The following NALF1 variants were observed in gnomAD, a reference collection of about 807,000 sequenced individuals.
NALF1 encodes NALCN channel auxiliary factor 1, also known as family with sequence similarity 155 member A.
In NALF1, 3 loss-of-function variants were observed where a neutral mutation model predicts 48.4. The observed-to-expected ratio is 0.06, with a 90% CI of 0.03 to 0.16. The LOEUF is 0.16. NALF1 is among the 10% of genes least tolerant of loss of function. The pLI, the probability that NALF1 is intolerant of heterozygous loss-of-function variation, is 1.00. For synonymous variants in NALF1, 262 were observed against 245.7 expected (o/e 1.07, Z -0.62); for missense variants, 526 against 571.5 (o/e 0.92, Z 0.81).
chr13:107,628,787 T>C (rs183304826), intron 1 of NALF1, among the ~76,000 whole-genome samples: 14 of 152,302 alleles, frequency 9.2e-5, no homozygotes, highest in African/African-American at 3.4e-4. Context: ...TTTAAAAACC[T>C]GGGCAATTTT....
intron 1 of NALF1, among the ~76,000 whole-genome samples, chr13:107,569,353 T>A (rs931238400): frequency 6.6e-6 from 1 of 151,916 alleles, no homozygotes; most frequent in Non-Finnish European, 1.5e-5. Flanking sequence ...GTGCTTGTAG[T>A]CCCAGCTACT....
At chr13:107,178,025 C>T (rs563820272) in intron 2 of NALF1, among the ~76,000 whole-genome samples, 3 of 151,656 alleles carry the variant, frequency 2.0e-5, no homozygotes, top group African/African-American at 4.8e-5. Context: ...CCAGCCTGGG[C>T]GACAGAGCAA....
chr13:107,560,094 C>A (rs1247080753), intron 1 of NALF1, among the ~76,000 whole-genome samples: 1 of 152,080 alleles, frequency 6.6e-6, no homozygotes, highest in Non-Finnish European at 1.5e-5. Flanking sequence ...GGGATTAGGG[C>A]TAAGAAGACA....
chr13:107,752,805 T>C (rs997679175), intron 1 of NALF1, among the ~76,000 whole-genome samples: 1 of 152,156 alleles, frequency 6.6e-6, no homozygotes, highest in African/African-American at 2.4e-5. Context: ...AATTGGACAT[T>C]AGATAATTGA....
In NALF1 at chr13:107,294,374, C is replaced by T. The variant is rs552094790; in HGVS notation, c.916-83619G>A. 2.0e-5 allele frequency among the ~76,000 whole-genome samples: 3 copies of T among 152,280 alleles called. No homozygotes were observed. The South Asian group carries it at 6.2e-4, about 32-fold the overall frequency. ...AATCTTAGGTTAGATAACTCGTCCA[C>T]GGTCACATATTTACTAAACTTCAGA... On this transcript the variant is annotated intron_variant, in intron 1 of 2. Transcript: ENST00000375915.
intron 1 of NALF1, among the ~76,000 whole-genome samples, chr13:107,666,149 C>T (rs959873325): frequency 2.0e-5 from 3 of 152,092 alleles, no homozygotes; most frequent in Non-Finnish European, 4.4e-5. Flanking sequence ...TGAAGTTTTT[C>T]TGGGCATTTT....
chr13:107,456,562 AAT>A (rs1238679983), intron 1 of NALF1, among the ~76,000 whole-genome samples: 2 of 152,174 alleles, frequency 1.3e-5, no homozygotes, highest in Admixed American at 6.5e-5. Context: ...TTAGTATACT[AAT>A]GGAGAAAACT....
intron 1 of NALF1, among the ~76,000 whole-genome samples, chr13:107,637,452 T>A (rs1880009887): frequency 6.6e-6 from 1 of 152,138 alleles, no homozygotes; most frequent in Non-Finnish European, 1.5e-5. Flanking sequence ...TTCTCTGTGT[T>A]ATATTCTAAC....
chr13:107,690,482 G>A (rs1172722174), intron 1 of NALF1, among the ~76,000 whole-genome samples: 4 of 152,128 alleles, frequency 2.6e-5, no homozygotes, highest in Non-Finnish European at 4.4e-5. Context: ...GAGTTAAAGT[G>A]GTTTTTGCAT....
chr13:107,181,264 C>G (rs1879054053), intron 2 of NALF1, among the ~76,000 whole-genome samples: 1 of 151,308 alleles, frequency 6.6e-6, no homozygotes, highest in South Asian at 2.1e-4. Flanking sequence ...CTCTTTGTAA[C>G]AATATTGAAT....
At chr13:107,828,376 G>A (rs910402898) in intron 1 of NALF1, among the ~76,000 whole-genome samples, 4 of 152,002 alleles carry the variant, frequency 2.6e-5, no homozygotes, top group South Asian at 2.1e-4. Context: ...GGCCCTGCAC[G>A]GCAGCTGCAA....
At chr13:107,620,535 C>T (rs1879492258) in intron 1 of NALF1, among the ~76,000 whole-genome samples, 1 of 152,166 alleles carries the variant, frequency 6.6e-6, no homozygotes, top group Admixed American at 6.5e-5. Context: ...TGCCTGGATT[C>T]CCTGGTATTG....
At chr13:107,488,708 T>G (rs970366820) in intron 1 of NALF1, among the ~76,000 whole-genome samples, 1 of 152,142 alleles carries the variant, frequency 6.6e-6, no homozygotes, top group Non-Finnish European at 1.5e-5. Context: ...CCTTGAAAAC[T>G]GGCACAAGAG....
chr13:107,661,559 C>T (rs948770986), intron 1 of NALF1, among the ~76,000 whole-genome samples: 1 of 151,680 alleles, frequency 6.6e-6, no homozygotes, highest in African/African-American at 2.4e-5. Flanking sequence ...AGAGAAGCTT[C>T]CTAACAAATA....
chr13:107,671,092 C>G (rs1456818731), intron 1 of NALF1, among the ~76,000 whole-genome samples: 14 of 151,568 alleles, frequency 9.2e-5, no homozygotes. Flanking sequence ...TGGAGTAGAA[C>G]AAAAGTAAAT....
At chr13:107,704,807 C>T (rs1313375006) in intron 1 of NALF1, among the ~76,000 whole-genome samples, 1 of 152,028 alleles carries the variant, frequency 6.6e-6, no homozygotes, top group Non-Finnish European at 1.5e-5. Context: ...AGATGCCCTG[C>T]GTCTCAATTT....
At chr13:107,463,524 G>C (rs1459477596) in intron 1 of NALF1, among the ~76,000 whole-genome samples, 1 of 152,192 alleles carries the variant, frequency 6.6e-6, no homozygotes, top group East Asian at 1.9e-4. Flanking sequence ...GTAAGAGAAA[G>C]TTTTGTTGCT....
At chr13:107,570,740 T>C (rs1019098421) in intron 1 of NALF1, among the ~76,000 whole-genome samples, 2 of 151,962 alleles carry the variant, frequency 1.3e-5, no homozygotes, top group African/African-American at 2.4e-5. Context: ...TTACCTGATA[T>C]ATTTCACAGA....
chr13:107,564,116 T>C (rs531371706), intron 1 of NALF1, among the ~76,000 whole-genome samples: 1 of 152,254 alleles, frequency 6.6e-6, no homozygotes, highest in South Asian at 2.1e-4. Context: ...AAGAAACAAC[T>C]GAAAGAATGG....
Sources: allele counts gnomAD v4.1 joint callset (sites outside exome capture counted in the v4.1 genomes callset), GRCh38; gene constraint gnomAD v4.1.1; transcripts MANE v1.5; gene names NCBI Gene and HGNC (gene_info 2026-07-23, HGNC 2026-07-21).